KL: variants seen among roughly 807,000 people sequenced by gnomAD.
The protein encoded by KL is alpha-klotho.
In KL, 62 loss-of-function variants were observed where a neutral mutation model predicts 84.2. That is an observed-to-expected ratio of 0.74 (90% CI 0.60 to 0.91). KL has a LOEUF of 0.91. Ranked by LOEUF, KL falls within the 40% of genes least tolerant of loss-of-function variation. The pLI is 0.00. For missense variants in KL, 1,261 were observed against 1,305.7 expected, an observed-to-expected ratio of 0.97 and a Z score of 0.53; for synonymous variants, 528 against 528.0, an observed-to-expected ratio of 1.00 and a Z score of 0.00.
Position 33,061,569 on chromosome 13 carries a change from G to T in KL, c.2490G>T (p.Val830=). The change falls in exon 4 of 5, where the codon GTG becomes GTT. Residue 830 remains valine, a synonymous_variant. Transcript: ENST00000380099. ...TAAAATACAATGATTACCTAGAAGTGCAAGAAATGACCGACATCACGTGGC... is the reference window on the plus strand; with the variant it reads ...TAAAATACAATGATTACCTAGAAGTTCAAGAAATGACCGACATCACGTGGC... ...DPIKYNDYLE[V]QEMTDITWLN... is the part of the protein sequence containing the mutation. 1 of 1,614,186 alleles carries T rather than the reference G, an allele frequency of 6.2e-7. No homozygotes were observed. The highest frequency in any genetic ancestry group is 2.2e-5 in the East Asian group (1 of 44,884).
rs185299884 is a variant in KL, at chr13:33,033,336, C to T, written c.819+16077C>T. On this transcript the variant is annotated intron_variant, in intron 1 of 4. Transcript: ENST00000380099. ...AAAAGCTTTTTATCTTTTCCTTTCACGTTTAAGCCTTGCCGTTTTAAAAAT... is the reference window on the plus strand; with the variant it reads ...AAAAGCTTTTTATCTTTTCCTTTCATGTTTAAGCCTTGCCGTTTTAAAAAT... Among the ~76,000 whole-genome samples, 507 of 152,282 alleles carry T rather than the reference C, an allele frequency of 3.3e-3. 1 individual carries two copies. The highest frequency in any genetic ancestry group is 5.6e-3 in the South Asian group (27 of 4,828).
chr13:33,054,234 A>G lies in KL; in HGVS notation c.1287A>G (p.Lys429=), dbSNP rs1271516149. ...GGACCACCAAGAGAGATGATGCCAA[A>G]TATATGTATTACCTCAAAAAGTTCA... ...VSGTTKRDDA[K]YMYYLKKFIM... is the part of the protein sequence containing the mutation. The change falls in exon 2 of 5, where the codon AAA becomes AAG. Residue 429 remains lysine, a synonymous_variant. Transcript: ENST00000380099. 6.2e-7 allele frequency: 1 copy of G among 1,613,860 alleles called. No individual in the cohort carries two copies. Among genetic ancestry groups the G allele is most frequent in the South Asian group, 1.1e-5 (1 of 91,058 alleles).
At chr13:33,026,172 T>G (rs1474241871) in intron 1 of KL, among the ~76,000 whole-genome samples, 1 of 152,216 alleles carries the variant, frequency 6.6e-6, no homozygotes, top group Non-Finnish European at 1.5e-5. Context: ...CTCTCTAGCC[T>G]CTGTCCTTCA....
intron 1 of KL, among the ~76,000 whole-genome samples, chr13:33,040,306 C>T (rs979597040): frequency 6.6e-6 from 1 of 152,134 alleles, no homozygotes; most frequent in African/African-American, 2.4e-5. Context: ...TATGTAAACA[C>T]CACACAGTAG....
rs771254499 is a variant in KL, at chr13:33,061,046, C to T, written c.1967C>T (p.Ala656Val). Residue 656 changes from alanine to valine, a missense_variant, in exon 4 of 5, where the codon GCC (alanine) becomes GTC (valine). Ala to Val is a moderately conservative substitution (Grantham distance 64, BLOSUM62 0). Coordinates refer to ENST00000380099, the MANE Select transcript of KL (RefSeq NM_004795.4). ...CCGCGCCTCCTGGCCAGGCAGGGCG[C>T]CTGGGAGAACCCCTACACTGCCCTG... The part of the protein sequence containing the change: ...GLPRLLARQG[A>V]WENPYTALAF... 1.2e-6 allele frequency: 2 copies of T among 1,611,880 alleles called. No homozygotes were observed. Among genetic ancestry groups the T allele is most frequent in the Non-Finnish European group, 1.7e-6 (2 of 1,178,332 alleles).
intron 1 of KL, among the ~76,000 whole-genome samples, chr13:33,045,186 T>A (rs1395509519): frequency 2.0e-5 from 3 of 152,238 alleles, no homozygotes; most frequent in South Asian, 4.1e-4. Flanking sequence ...AACTGACTAT[T>A]GTGTGTTGAT....
chr13:33,060,401 T>G (rs1302545370), intron 3 of KL, among the ~76,000 whole-genome samples: 1 of 152,192 alleles, frequency 6.6e-6, no homozygotes, highest in Non-Finnish European at 1.5e-5. Flanking sequence ...CAAGACTCAT[T>G]AGCATTTGTC....
chr13:33,058,189 A>G (rs2138238722), intron 3 of KL, among the ~76,000 whole-genome samples: 1 of 152,276 alleles, frequency 6.6e-6, no homozygotes, highest in East Asian at 1.9e-4. Context: ...CTGTTAGGAG[A>G]AAGTTTCTCC....
intron 1 of KL, among the ~76,000 whole-genome samples, chr13:33,019,732 T>TGTGTGTGAGA (rs139721497): frequency 2.9e-4 from 39 of 133,458 alleles, no homozygotes; most frequent in Middle Eastern, 3.8e-3. Context: ...TGTGTGTGTG[T>TGTGTGTGAGA]GAGAGAGAGA....
intron 1 of KL, among the ~76,000 whole-genome samples, chr13:33,019,363 C>G (rs1336329273): frequency 6.6e-6 from 1 of 152,024 alleles, no homozygotes; most frequent in Non-Finnish European, 1.5e-5. Flanking sequence ...ATAAAACATT[C>G]TGCAGATTTT....
Position 33,060,652 on chromosome 13 carries a change from C to T in KL, c.1600-27C>T, listed in dbSNP as rs139912580. On this transcript the variant is annotated intron_variant, in intron 3 of 4. Coordinates refer to ENST00000380099, the MANE Select transcript of KL (RefSeq NM_004795.4). ...TACTTCCTCAGGACTGCCCAGGTGACGCTAATGTTTACTCTGCCCTTCACA... is the reference window on the plus strand; with the variant it reads ...TACTTCCTCAGGACTGCCCAGGTGATGCTAATGTTTACTCTGCCCTTCACA... The T allele has an allele frequency of 1.2e-4, 201 of 1,613,980 alleles. No homozygotes were observed. In the Admixed American group the frequency reaches 2.8e-3, roughly 22 times the overall value.
At chr13:33,034,237 G>A (rs180947207) in intron 1 of KL, among the ~76,000 whole-genome samples, 6 of 152,206 alleles carry the variant, frequency 3.9e-5, no homozygotes, top group African/African-American at 9.6e-5. Flanking sequence ...AATGAGGCAG[G>A]ATTATTGGTG....
chr13:33,019,732 T>TGTGTGTGAGAGAGA (rs139721497), intron 1 of KL, among the ~76,000 whole-genome samples: 40 of 133,464 alleles, frequency 3.0e-4, no homozygotes, highest in African/African-American at 1.1e-3. Flanking sequence ...TGTGTGTGTG[T>TGTGTGTGAGAGAGA]GAGAGAGAGA....
chr13:33,044,140 C>G (rs1871437534), intron 1 of KL, among the ~76,000 whole-genome samples: 1 of 152,086 alleles, frequency 6.6e-6, no homozygotes, highest in Non-Finnish European at 1.5e-5. Context: ...AATCAGTTGG[C>G]TGTGGGTTTA....
chr13:33,024,958 A>G (rs1366002731), intron 1 of KL, among the ~76,000 whole-genome samples: 1 of 152,022 alleles, frequency 6.6e-6, no homozygotes, highest in Non-Finnish European at 1.5e-5. Flanking sequence ...GTTTTCTCCT[A>G]TCTATCTGGC....
At chr13:33,029,026 T>C (rs561100137) in intron 1 of KL, among the ~76,000 whole-genome samples, 59 of 152,320 alleles carry the variant, frequency 3.9e-4, no homozygotes, top group African/African-American at 1.3e-3. Flanking sequence ...TGTAGGGCAA[T>C]GTAGGACAGG....
chr13:33,050,023 GT>G (rs1871684865), intron 1 of KL, among the ~76,000 whole-genome samples: 1 of 152,022 alleles, frequency 6.6e-6, no homozygotes, highest in Middle Eastern at 3.2e-3. Flanking sequence ...TTTTAGAAAC[GT>G]TTTTACATGT....
chr13:33,046,851 T>TA (rs755795771), intron 1 of KL, among the ~76,000 whole-genome samples: 11 of 152,162 alleles, frequency 7.2e-5, no homozygotes, highest in Non-Finnish European at 1.6e-4. Flanking sequence ...AGTTAGTTTT[T>TA]TATATACACA....
intron 1 of KL, among the ~76,000 whole-genome samples, chr13:33,045,822 T>G (rs1871507598): frequency 6.6e-6 from 1 of 152,194 alleles, no homozygotes; most frequent in South Asian, 2.1e-4. Flanking sequence ...TCCTTTCTAG[T>G]CGTAGTTTTC....
Sources: allele counts gnomAD v4.1 joint callset (sites outside exome capture counted in the v4.1 genomes callset), GRCh38; gene constraint gnomAD v4.1.1; transcripts MANE v1.5; gene names NCBI Gene and HGNC (gene_info 2026-07-23, HGNC 2026-07-21).